The following ADAM12 variants were observed in gnomAD, a reference collection of about 807,000 sequenced individuals.
The protein encoded by ADAM12 is ADAM metallopeptidase domain 12.
ADAM12 carries 70 observed loss-of-function variants against 106.4 expected under a neutral mutation model. That is an observed-to-expected ratio of 0.66 (90% CI 0.54 to 0.80). The LOEUF is 0.80. Among genes scored for constraint, ADAM12 ranks in the 30% least tolerant of loss-of-function variants. The probability of loss-of-function intolerance (pLI) is 0.00; values close to 1 mark genes in which losing one functional copy is unlikely to be tolerated. For synonymous variants in ADAM12, 420 were observed against 433.5 expected (o/e 0.97, Z 0.39); for missense variants, 1,010 against 1,171.9 (o/e 0.86, Z 2.02).
intron 3 of ADAM12, among the ~76,000 whole-genome samples, chr10:126,166,081 C>T (rs1266936341): frequency 6.6e-6 from 1 of 152,322 alleles, no homozygotes; most frequent in East Asian, 1.9e-4. Context: ...ATTTTGGAAG[C>T]TGTAGGGGAC....
At position 126,132,827 on chromosome 10, in the gene ADAM12, A is replaced by C. The variant is rs538600441; in HGVS notation, c.416+2757T>G. On this transcript the variant is annotated intron_variant, in intron 5 of 22. Transcript: ENST00000448723. ...ATCTACCTGGGGTCCCAGAGTATCCATTTTGAATTGGTCACTCACCTTCAC... is the reference window on the plus strand; with the variant it reads ...ATCTACCTGGGGTCCCAGAGTATCCCTTTTGAATTGGTCACTCACCTTCAC... Among the ~76,000 whole-genome samples, 52 of 151,972 alleles carry C rather than the reference A, an allele frequency of 3.4e-4. 1 individual carries two copies. The highest frequency in any genetic ancestry group is 6.0e-4 in the Non-Finnish European group (41 of 67,992).
intron 8 of ADAM12, among the ~76,000 whole-genome samples, chr10:126,101,736 T>C (rs7079180): frequency 0.38 from 58,215 of 152,056 alleles, 11,483 homozygotes; most frequent in South Asian, 0.51. Context: ...CAGCTCTGGC[T>C]AACACTATCA....
chr10:126,093,194 G>A (rs1001193226), intron 11 of ADAM12, among the ~76,000 whole-genome samples: 3 of 152,250 alleles, frequency 2.0e-5, no homozygotes, highest in Admixed American at 6.5e-5. Flanking sequence ...CATGCTTCCC[G>A]TTACTAATGA....
chr10:126,150,428 A>C (rs1956708520), intron 4 of ADAM12, among the ~76,000 whole-genome samples: 1 of 152,158 alleles, frequency 6.6e-6, no homozygotes, highest in South Asian at 2.1e-4. Flanking sequence ...TGGCTGTCCT[A>C]TGACAAACTC....
intron 3 of ADAM12, among the ~76,000 whole-genome samples, chr10:126,191,633 C>T (rs1465408244): frequency 1.3e-5 from 2 of 151,950 alleles, no homozygotes; most frequent in African/African-American, 4.8e-5. Flanking sequence ...AGGATTAGGA[C>T]AAAATTTAAG....
intron 1 of ADAM12, among the ~76,000 whole-genome samples, chr10:126,370,218 C>T (rs1856062644): frequency 6.6e-6 from 1 of 152,166 alleles, no homozygotes; most frequent in African/African-American, 2.4e-5. Context: ...TAAGTTGTGC[C>T]TAGATTCGTA....
chr10:126,170,591 C>G (rs1957102907), intron 3 of ADAM12, among the ~76,000 whole-genome samples: 1 of 152,058 alleles, frequency 6.6e-6, no homozygotes, highest in African/African-American at 2.4e-5. Context: ...ATGGGTTGTG[C>G]CAGCCCCATG....
At chr10:126,227,086 C>G (rs1363960337) in intron 3 of ADAM12, among the ~76,000 whole-genome samples, 2 of 152,110 alleles carry the variant, frequency 1.3e-5, no homozygotes, top group East Asian at 1.9e-4. Flanking sequence ...CTGTCACCAC[C>G]ACCATCACTA....
intron 3 of ADAM12, among the ~76,000 whole-genome samples, chr10:126,188,496 A>C (rs1957439906): frequency 6.6e-6 from 1 of 152,146 alleles, no homozygotes; most frequent in African/African-American, 2.4e-5. Flanking sequence ...TAAACCTATT[A>C]TGCCTCATGC....
intron 2 of ADAM12, among the ~76,000 whole-genome samples, chr10:126,318,873 G>A (rs935315219): frequency 6.6e-6 from 1 of 152,148 alleles, no homozygotes; most frequent in Non-Finnish European, 1.5e-5. Context: ...AAGGCGAAGG[G>A]GAAGCAAGAC....
At chr10:126,099,849 C>T (rs1222643642) in intron 9 of ADAM12, among the ~76,000 whole-genome samples, 1 of 152,140 alleles carries the variant, frequency 6.6e-6, no homozygotes, top group East Asian at 1.9e-4. Context: ...AAGTCTCTGT[C>T]CCAGAAGCTT....
chr10:126,042,083 G>C (rs774514499), intron 18 of ADAM12: 1 of 1,598,058 alleles, frequency 6.3e-7, no homozygotes, highest in Non-Finnish European at 8.5e-7. Context: ...GGGGACGCGT[G>C]ACCTCCTCTG....
At chr10:126,154,415 G>A (rs1420873132) in intron 4 of ADAM12, among the ~76,000 whole-genome samples, 4 of 152,210 alleles carry the variant, frequency 2.6e-5, no homozygotes, top group African/African-American at 7.2e-5. Flanking sequence ...AGTGCCAAGT[G>A]TCAAACAAGT....
At chr10:126,239,714 G>A (rs1049223379) in intron 3 of ADAM12, among the ~76,000 whole-genome samples, 3 of 152,184 alleles carry the variant, frequency 2.0e-5, no homozygotes, top group Non-Finnish European at 4.4e-5. Context: ...GCAACTTTTT[G>A]ATCACAAATC....
chr10:126,058,752 G>A (rs1265255738), intron 14 of ADAM12, among the ~76,000 whole-genome samples: 1 of 152,168 alleles, frequency 6.6e-6, no homozygotes, highest in African/African-American at 2.4e-5. Context: ...TGGCTTTTGT[G>A]CGTTAGCTGC....
chr10:126,103,748 T>A (rs1365301227), intron 8 of ADAM12, among the ~76,000 whole-genome samples: 6 of 152,230 alleles, frequency 3.9e-5, no homozygotes, highest in Non-Finnish European at 8.8e-5. Context: ...CCTGCCTGAC[T>A]TACAAAGCCC....
At chr10:126,129,650 C>A (rs533245332) in intron 5 of ADAM12, among the ~76,000 whole-genome samples, 1 of 152,172 alleles carries the variant, frequency 6.6e-6, no homozygotes, top group African/African-American at 2.4e-5. Context: ...TCACCGAAAC[C>A]GTATTAACTG....
intron 3 of ADAM12, among the ~76,000 whole-genome samples, chr10:126,209,087 A>G (rs1038631683): frequency 2.0e-5 from 3 of 152,228 alleles, no homozygotes; most frequent in African/African-American, 7.2e-5. Context: ...AGAATTCCAA[A>G]GGAAAGAAGA....
At chr10:126,118,571 G>T (rs1204688049) in intron 5 of ADAM12, among the ~76,000 whole-genome samples, 1 of 152,216 alleles carries the variant, frequency 6.6e-6, no homozygotes, top group Non-Finnish European at 1.5e-5. Context: ...GAAGATAACT[G>T]TATCTGAATT....
Sources: gnomAD v4.1 joint callset for allele counts (sites outside exome capture counted in the v4.1 genomes callset) on GRCh38, gnomAD v4.1.1 for gene constraint, MANE v1.5 for transcripts, NCBI Gene and HGNC (gene_info 2026-07-23, HGNC 2026-07-21) for gene names.